The following ARL3 variants were observed in gnomAD, a reference collection of about 807,000 sequenced individuals.
ARL3 encodes the protein ARF like GTPase 3, also known as ADP-ribosylation factor-like protein 3.
In ARL3, 9 loss-of-function variants were observed where a neutral mutation model predicts 26.0. That is an observed-to-expected ratio of 0.35 (90% CI 0.21 to 0.60). The LOEUF (loss-of-function observed/expected upper bound fraction) is 0.60. ARL3 is among the 20% of genes least tolerant of loss of function. The pLI is 0.78. For synonymous variants in ARL3, 71 were observed against 78.4 expected, an observed-to-expected ratio of 0.91 and a Z score of 0.50; for missense variants, 158 against 215.7, an observed-to-expected ratio of 0.73 and a Z score of 1.67.
intron 2 of ARL3, among the ~76,000 whole-genome samples, chr10:102,704,592 A>G (rs976043290): frequency 2.0e-5 from 3 of 152,198 alleles, no homozygotes; most frequent in Middle Eastern, 3.2e-3. Flanking sequence ...GTGAGCCAAG[A>G]TTGCACTACC....
At chr10:102,705,311 T>C (rs1564733519) in intron 2 of ARL3, 35 bp downstream of exon 2, 1 of 1,526,952 alleles carries the variant, frequency 6.5e-7, no homozygotes. Context: ...CGTCTTCCTG[T>C]GTCACACGGC....
intron 1 of ARL3, among the ~76,000 whole-genome samples, chr10:102,708,908 A>ATATATATATATATATATATATTTT: frequency 1.0e-5 from 1 of 95,326 alleles, no homozygotes; most frequent in African/African-American, 4.2e-5. Flanking sequence ...ATATATATAT[A>ATATATATATATATATATATATTTT]TTTTTTTTTT....
chr10:102,693,909 G>A (rs920342725), intron 3 of ARL3, among the ~76,000 whole-genome samples: 3 of 151,990 alleles, frequency 2.0e-5, no homozygotes, highest in East Asian at 1.9e-4. Context: ...TTCTGGACTC[G>A]AAGCATCCTC....
chr10:102,679,511 G>A lies in ARL3; in HGVS notation c.502-2570C>T, dbSNP rs140700202. Among the ~76,000 whole-genome samples, 322 of 152,340 alleles carry A rather than the reference G, an allele frequency of 2.1e-3. 3 individuals are homozygous for A. The highest frequency in any genetic ancestry group is 7.6e-3 in the African/African-American group (316 of 41,568). On this transcript the variant is annotated intron_variant, in intron 5 of 5. Transcript: ENST00000260746. ...GCAATGGCAAGCTGTGGTGCCCAGC[G>A]TGGTGCTCCAGAGCTGCTTACCAGT... is the stretch of plus-strand genomic sequence containing the variant.
intron 5 of ARL3, among the ~76,000 whole-genome samples, chr10:102,682,812 T>G (rs1199962134): frequency 6.6e-6 from 1 of 152,196 alleles, no homozygotes; most frequent in Non-Finnish European, 1.5e-5. Context: ...TTTTAAACCT[T>G]TGTACATTTT....
chr10:102,700,770 CTTT>C (rs34708600), intron 2 of ARL3, among the ~76,000 whole-genome samples: 5 of 98,628 alleles, frequency 5.1e-5, no homozygotes, highest in Non-Finnish European at 3.9e-5. Context: ...AGCCGGAAGT[CTTT>C]TTTTTTTTTT....
intron 3 of ARL3, among the ~76,000 whole-genome samples, chr10:102,697,663 A>C (rs1436319341): frequency 6.6e-6 from 1 of 152,156 alleles, no homozygotes; most frequent in Non-Finnish European, 1.5e-5. Flanking sequence ...GAGGTCACCT[A>C]AGCAGTGACT....
At chr10:102,692,019 T>C (rs1171157853) in intron 3 of ARL3, among the ~76,000 whole-genome samples, 1 of 152,214 alleles carries the variant, frequency 6.6e-6, no homozygotes, top group Non-Finnish European at 1.5e-5. Context: ...CTTGTACTAG[T>C]GTCGAGTACA....
chr10:102,712,703 A>G (rs1489598650), intron 1 of ARL3, among the ~76,000 whole-genome samples: 2 of 152,202 alleles, frequency 1.3e-5, no homozygotes, highest in African/African-American at 2.4e-5. Flanking sequence ...ACTCTCATGC[A>G]CTTCTCATCC....
At chr10:102,708,908 A>ATATATATATATTTTTTTTTTTTTTTT in intron 1 of ARL3, among the ~76,000 whole-genome samples, 1 of 95,346 alleles carries the variant, frequency 1.0e-5, no homozygotes, top group African/African-American at 4.2e-5. Context: ...ATATATATAT[A>ATATATATATATTTTTTTTTTTTTTTT]TTTTTTTTTT....
Position 102,674,239 on chromosome 10 carries a change from AC to A in ARL3, c.*2654del, listed in dbSNP as rs1025507026. ...CTCCTTTAACCCTGGCACATTTCTA[AC>A]CGCCGGCATAATCGCTGACTTTCAG... On this transcript the variant is annotated 3_prime_UTR_variant, in exon 6 of 6. Coordinates refer to ENST00000260746, the MANE Select transcript of ARL3 (RefSeq NM_004311.4). The A allele has an allele frequency of 3.3e-5, 5 of 152,378 alleles. No individual in the cohort carries two copies. Among genetic ancestry groups the A allele is most frequent in the African/African-American group, 1.2e-4 (5 of 41,426 alleles). The allele number at this position is 152,378 out of a possible 1,614,324, so 9.4% of individuals were successfully genotyped here.
At chr10:102,701,436 C>T (rs76137829) in intron 2 of ARL3, among the ~76,000 whole-genome samples, 2 of 152,204 alleles carry the variant, frequency 1.3e-5, no homozygotes, top group East Asian at 3.9e-4. Context: ...TGCGGATACA[C>T]AGTCTCTGGA....
chr10:102,688,302 A>C (rs1045682797), intron 4 of ARL3, among the ~76,000 whole-genome samples: 8 of 152,144 alleles, frequency 5.3e-5, no homozygotes, highest in African/African-American at 1.9e-4. Flanking sequence ...CTCCACCTCC[A>C]AGCTCATTTC....
chr10:102,708,886 T>TAA (rs60736499), intron 1 of ARL3, among the ~76,000 whole-genome samples: 34,314 of 83,428 alleles, frequency 0.41, 7,570 homozygotes, highest in East Asian at 0.47. Flanking sequence ...AAACCATATA[T>TAA]TATATATATA....
Position 102,676,790 on chromosome 10 carries a change from A to T in ARL3, c.*104T>A. The T allele has an allele frequency of 8.4e-7, 1 of 1,192,558 alleles. No individual in the cohort carries two copies. Among genetic ancestry groups the T allele is most frequent in the Non-Finnish European group, 1.2e-6 (1 of 815,114 alleles). The allele number at this position is 1,192,558 out of a possible 1,614,324, so 73.9% of individuals were successfully genotyped here. ...TTGTTCCCTCTCTTCAAACAGCTGG[A>T]GCTGTACACAGATGGAAAAACATTT... is the stretch of plus-strand genomic sequence containing the variant. On this transcript the variant is annotated 3_prime_UTR_variant, in exon 6 of 6. Coordinates refer to ENST00000260746, the MANE Select transcript of ARL3 (RefSeq NM_004311.4).
intron 3 of ARL3, among the ~76,000 whole-genome samples, chr10:102,690,625 A>C (rs756988131): frequency 6.6e-6 from 1 of 152,156 alleles, no homozygotes; most frequent in Non-Finnish European, 1.5e-5. Flanking sequence ...CACAAAGCTG[A>C]TATTAATAAT....
chr10:102,681,739 G>A (rs1352976003), intron 5 of ARL3, among the ~76,000 whole-genome samples: 1 of 152,220 alleles, frequency 6.6e-6, no homozygotes, highest in African/African-American at 2.4e-5. Flanking sequence ...AGTCTCCGTG[G>A]TGACCATGGC....
intron 3 of ARL3, among the ~76,000 whole-genome samples, chr10:102,690,648 G>A (rs2136000835): frequency 6.6e-6 from 1 of 152,178 alleles, no homozygotes; most frequent in African/African-American, 2.4e-5. Context: ...TACAGTAAAT[G>A]ATTAGTAGTA....
At position 102,703,425 on chromosome 10, in the gene ARL3, C is replaced by CTT. The variant is rs57721161; in HGVS notation, c.147+1919_147+1920dup. 2.4e-3 allele frequency among the ~76,000 whole-genome samples: 118 copies of CTT among 48,478 alleles called. 26 individuals are homozygous for CTT. Among genetic ancestry groups the CTT allele is most frequent in the Middle Eastern group, 0.056 (2 of 36 alleles). The allele number at this position is 48,478 out of a possible 152,430, so 31.8% of individuals were successfully genotyped here. On this transcript the variant is annotated intron_variant, in intron 2 of 5. Coordinates refer to ENST00000260746, the MANE Select transcript of ARL3 (RefSeq NM_004311.4). ...ATGAGCCATGGTGCCCAGGACTTGT[C>CTT]TTTTTTTTTTTTTTTTTTTTTTTTT... is the stretch of plus-strand genomic sequence containing the variant.
Sources: gnomAD v4.1 joint callset for allele counts (sites outside exome capture counted in the v4.1 genomes callset) on GRCh38, gnomAD v4.1.1 for gene constraint, MANE v1.5 for transcripts, NCBI Gene and HGNC (gene_info 2026-07-23, HGNC 2026-07-21) for gene names.